Variants in MAN2A1 observed in about 807,000 individuals in gnomAD.
MAN2A1 encodes the protein mannosidase alpha class 2A member 1.
MAN2A1 carries 76 observed loss-of-function variants against 142.6 expected under a neutral mutation model. That is an observed-to-expected ratio of 0.53 (90% confidence interval 0.44 to 0.65). The LOEUF is 0.65. MAN2A1 is among the 30% of genes least tolerant of loss of function. The pLI, the probability that MAN2A1 is intolerant of heterozygous loss-of-function variation, is 0.00. For synonymous variants in MAN2A1, 559 were observed against 473.2 expected, an observed-to-expected ratio of 1.18 and a Z score of -2.35; for missense variants, 1,311 against 1,365.1, an observed-to-expected ratio of 0.96 and a Z score of 0.62.
At chr5:109,802,452 G>GT (rs1754056292) in intron 12 of MAN2A1, among the ~76,000 whole-genome samples, 1 of 152,088 alleles carries the variant, frequency 6.6e-6, no homozygotes, top group Non-Finnish European at 1.5e-5. Context: ...GGATTTCACA[G>GT]TTTAGAGATT....
At chr5:109,817,566 T>C (rs1754499880) in intron 13 of MAN2A1, 128 bp downstream of exon 13, 2 of 827,540 alleles carry the variant, frequency 2.4e-6, no homozygotes, top group South Asian at 3.7e-5. Flanking sequence ...AAGTTGTAAA[T>C]ACCAGAGAGT....
At chr5:109,827,219 G>C (rs1430571158) in intron 16 of MAN2A1, among the ~76,000 whole-genome samples, 1 of 152,200 alleles carries the variant, frequency 6.6e-6, no homozygotes, top group Non-Finnish European at 1.5e-5. Context: ...TACTAAACCA[G>C]TTAATTATAC....
At chr5:109,855,870 T>A (rs1449442639) in intron 20 of MAN2A1, among the ~76,000 whole-genome samples, 1 of 152,224 alleles carries the variant, frequency 6.6e-6, no homozygotes, top group Admixed American at 6.5e-5. Flanking sequence ...TCAAAAAGAT[T>A]GCATTTGGAA....
intron 1 of MAN2A1, among the ~76,000 whole-genome samples, chr5:109,696,124 C>T (rs182771645): frequency 5.8e-4 from 88 of 150,656 alleles, no homozygotes; most frequent in Non-Finnish European, 9.4e-4. Context: ...TTTTTTGAGA[C>T]GGAGTCTCAC....
chr5:109,861,637 G>T (rs1755762985), intron 20 of MAN2A1, among the ~76,000 whole-genome samples: 1 of 152,192 alleles, frequency 6.6e-6, no homozygotes, highest in Non-Finnish European at 1.5e-5. Flanking sequence ...GAATAGGAAA[G>T]TAACTGACCT....
At chr5:109,833,003 C>G (rs1202919593) in intron 16 of MAN2A1, among the ~76,000 whole-genome samples, 2 of 151,312 alleles carry the variant, frequency 1.3e-5, no homozygotes, top group South Asian at 2.1e-4. Context: ...GGGTCACGGC[C>G]GGGCAGAGGC....
rs374237064 is a variant in MAN2A1 at position 109,713,043 on chromosome 5, A to G, written c.136-477A>G. ...AATTGACTAATTGATTTTTCCATAG[A>G]TGATATTTCTTATTTAGGATTATCC... On this transcript the variant is annotated intron_variant, in intron 1 of 21. Coordinates refer to ENST00000261483, the MANE Select transcript of MAN2A1 (RefSeq NM_002372.4). Among the ~76,000 whole-genome samples, 14 of 152,270 alleles carry G rather than the reference A, an allele frequency of 9.2e-5. 1 individual carries two copies. The highest frequency in any genetic ancestry group is 2.6e-4 in the Admixed American group (4 of 15,282).
At chr5:109,820,905 G>A (rs1754605384) in intron 15 of MAN2A1, among the ~76,000 whole-genome samples, 1 of 152,216 alleles carries the variant, frequency 6.6e-6, no homozygotes, top group Non-Finnish European at 1.5e-5. Flanking sequence ...TTTACGTAGA[G>A]TTAGGGAGCT....
At chr5:109,838,394 C>G (rs1755113434) in intron 16 of MAN2A1, among the ~76,000 whole-genome samples, 1 of 152,146 alleles carries the variant, frequency 6.6e-6, no homozygotes, top group Non-Finnish European at 1.5e-5. Context: ...TTAGAAAGCC[C>G]TGGCCATTCA....
intron 10 of MAN2A1, among the ~76,000 whole-genome samples, chr5:109,787,895 CAA>C (rs1753634549): frequency 6.6e-6 from 1 of 151,764 alleles, no homozygotes; most frequent in East Asian, 1.9e-4. Flanking sequence ...GGCATGAACT[CAA>C]ATCCATAAGA....
chr5:109,740,934 T>C (rs1752251712), intron 4 of MAN2A1, among the ~76,000 whole-genome samples: 1 of 152,166 alleles, frequency 6.6e-6, no homozygotes, highest in South Asian at 2.1e-4. Context: ...GTTATTTTTC[T>C]TAGGTTGAAC....
intron 15 of MAN2A1, 37 bp downstream of exon 15, chr5:109,820,379 A>G (rs771316676): frequency 1.9e-6 from 3 of 1,568,106 alleles, no homozygotes; most frequent in Non-Finnish European, 2.6e-6. Context: ...TGGAATAAAC[A>G]CTTATTGAAA....
chr5:109,745,938 T>A (rs1752392078), intron 4 of MAN2A1, among the ~76,000 whole-genome samples: 1 of 152,080 alleles, frequency 6.6e-6, no homozygotes, highest in Non-Finnish European at 1.5e-5. Flanking sequence ...TTAAATAAAT[T>A]TTCATGACTA....
chr5:109,817,671 A>C (rs1754502822), intron 13 of MAN2A1, among the ~76,000 whole-genome samples: 1 of 152,166 alleles, frequency 6.6e-6, no homozygotes, highest in South Asian at 2.1e-4. Context: ...ATCTTATTAT[A>C]TGTTGTTCAT....
intron 1 of MAN2A1, 138 bp downstream of exon 1, chr5:109,690,690 G>C (rs776543107): frequency 1.0e-6 from 1 of 967,416 alleles, no homozygotes; most frequent in Non-Finnish European, 1.5e-6. Context: ...TGTAGCTCTC[G>C]GACGGCAATG....
At chr5:109,785,420 A>G (rs974206790) in intron 10 of MAN2A1, among the ~76,000 whole-genome samples, 13 of 152,014 alleles carry the variant, frequency 8.6e-5, no homozygotes, top group African/African-American at 3.1e-4. Flanking sequence ...AAAAAGACCT[A>G]TAAACCTTAT....
At chr5:109,848,529 G>C (rs746907253) in intron 19 of MAN2A1, among the ~76,000 whole-genome samples, 1 of 152,100 alleles carries the variant, frequency 6.6e-6, no homozygotes, top group African/African-American at 2.4e-5. Context: ...ATTAGACAGG[G>C]CTCTCTGTTC....
At chr5:109,823,427 A>T (rs1031316267) in intron 15 of MAN2A1, among the ~76,000 whole-genome samples, 22 of 152,226 alleles carry the variant, frequency 1.4e-4, no homozygotes, top group African/African-American at 4.8e-4. Context: ...TCTAATAAGT[A>T]ACTATATGGA....
At chr5:109,737,966 A>G (rs1274685756) in intron 4 of MAN2A1, among the ~76,000 whole-genome samples, 1 of 152,132 alleles carries the variant, frequency 6.6e-6, no homozygotes, top group East Asian at 1.9e-4. Flanking sequence ...CCCTTGATGA[A>G]CTGAGGGAGC....
Sources: gnomAD v4.1 joint callset for allele counts (sites outside exome capture counted in the v4.1 genomes callset) on GRCh38, gnomAD v4.1.1 for gene constraint, MANE v1.5 for transcripts, NCBI Gene and HGNC (gene_info 2026-07-23, HGNC 2026-07-21) for gene names.